ZBTB46: variants seen among roughly 807,000 people sequenced by gnomAD.
ZBTB46 encodes the protein zinc finger and BTB domain containing 46, also known as zinc finger and BTB domain-containing protein 46.
Under a neutral mutation model 44.1 loss-of-function variants are expected in ZBTB46, and 8 were observed. That is an observed-to-expected ratio of 0.18 (90% CI 0.11 to 0.33). The LOEUF is 0.33. Among genes scored for constraint, ZBTB46 ranks in the 10% least tolerant of loss-of-function variants. ZBTB46 has a pLI of 1.00. For missense variants in ZBTB46, 651 were observed against 847.7 expected (o/e 0.77, Z 2.88); for synonymous variants, 409 against 382.3 (o/e 1.07, Z -0.81).
At chr20:63,823,276 C>G (rs933938453) in intron 1 of ZBTB46, among the ~76,000 whole-genome samples, 1 of 152,076 alleles carries the variant, frequency 6.6e-6, no homozygotes, top group African/African-American at 2.4e-5. Flanking sequence ...TGGGGGTGCA[C>G]TCGCGCTCAG....
At chr20:63,833,838 C>T (rs571576959), upstream of ZBTB46, among the ~76,000 whole-genome samples, 2 of 152,320 alleles carry the variant, frequency 1.3e-5, no homozygotes, top group South Asian at 4.1e-4. Flanking sequence ...CTGATTAAGT[C>T]CTACAGACCG....
chr20:63,822,457 A>T lies in ZBTB46; in HGVS notation c.-34+8640T>A, dbSNP rs577477381. Among the ~76,000 whole-genome samples the T allele has an allele frequency of 7.2e-5, 11 of 152,324 alleles. No homozygotes were observed. In the East Asian group the frequency reaches 2.1e-3, roughly 29 times the overall value. On this transcript the variant is annotated intron_variant, in intron 1 of 4. Transcript: ENST00000245663. ...TGGGACTGATGGGCTCTAGGCCCCG[A>T]CAAAGGAGCACAGGAGGCCTATTCC...
At chr20:63,780,837 A>G (rs1225440883) in intron 2 of ZBTB46, among the ~76,000 whole-genome samples, 1 of 151,236 alleles carries the variant, frequency 6.6e-6, no homozygotes, top group Non-Finnish European at 1.5e-5. Flanking sequence ...ACACTGTTAA[A>G]TGAAAAAAGG....
At chr20:63,832,133 C>T (rs541854842), upstream of ZBTB46, among the ~76,000 whole-genome samples, 118 of 152,130 alleles carry the variant, frequency 7.8e-4, no homozygotes, top group Non-Finnish European at 9.4e-4. This position sits in a 1 kb window ranked among gnomAD's most constrained non-coding sequence, Gnocchi z 5.0. Flanking sequence ...CGGCCCGGGC[C>T]TCGCCCCAGC....
chr20:63,805,141 G>A (rs1479946195), intron 1 of ZBTB46, among the ~76,000 whole-genome samples: 1 of 151,842 alleles, frequency 6.6e-6, no homozygotes, highest in Non-Finnish European at 1.5e-5. Flanking sequence ...GGATGGTCTC[G>A]ATCTCTTGAC....
intron 3 of ZBTB46, among the ~76,000 whole-genome samples, chr20:63,757,811 G>A (rs1337506742): frequency 2.0e-5 from 3 of 151,270 alleles, no homozygotes; most frequent in Non-Finnish European, 2.9e-5. Flanking sequence ...CCCATCCAGA[G>A]CTCACACTCC....
At chr20:63,788,736 G>C (rs1462361272) in intron 2 of ZBTB46, among the ~76,000 whole-genome samples, 1 of 151,960 alleles carries the variant, frequency 6.6e-6, no homozygotes, top group Non-Finnish European at 1.5e-5. Context: ...GCTAATCGGA[G>C]GCTGTGGCAG....
chr20:63,804,033 G>C (rs1235211183), intron 1 of ZBTB46, among the ~76,000 whole-genome samples: 2 of 152,150 alleles, frequency 1.3e-5, no homozygotes, highest in Non-Finnish European at 2.9e-5. Flanking sequence ...TCCCCAGCCA[G>C]AGCCCAGCAC....
intron 1 of ZBTB46, among the ~76,000 whole-genome samples, chr20:63,806,619 C>T (rs2092683242): frequency 6.6e-6 from 1 of 151,928 alleles, no homozygotes; most frequent in Admixed American, 6.6e-5. Flanking sequence ...GAATCTTTCT[C>T]TTTTTTTGAG....
chr20:63,797,129 G>T (rs1219511549), intron 1 of ZBTB46, among the ~76,000 whole-genome samples: 1 of 151,860 alleles, frequency 6.6e-6, no homozygotes, highest in African/African-American at 2.4e-5. Flanking sequence ...TTTACATTAG[G>T]TATATCTCCT....
At chr20:63,778,275 G>A (rs1041689235) in intron 2 of ZBTB46, among the ~76,000 whole-genome samples, 1 of 152,244 alleles carries the variant, frequency 6.6e-6, no homozygotes, top group African/African-American at 2.4e-5. Context: ...ATTCCTCCGA[G>A]TGTCAGCTCA....
At chr20:63,751,233 C>A (rs963012104) in intron 4 of ZBTB46, among the ~76,000 whole-genome samples, 2 of 151,914 alleles carry the variant, frequency 1.3e-5, no homozygotes, top group African/African-American at 4.8e-5. Flanking sequence ...GGGGCCCCGG[C>A]GGCTCCGCGT....
At chr20:63,772,302 G>A (rs938582430) in intron 3 of ZBTB46, among the ~76,000 whole-genome samples, 1 of 152,048 alleles carries the variant, frequency 6.6e-6, no homozygotes, top group African/African-American at 2.4e-5. Context: ...GGCCCAAAAG[G>A]GCAAATTCTT....
At chr20:63,806,462 A>G (rs1048269574) in intron 1 of ZBTB46, among the ~76,000 whole-genome samples, 1 of 152,016 alleles carries the variant, frequency 6.6e-6, no homozygotes, top group Non-Finnish European at 1.5e-5. Context: ...AAGGCAAGAA[A>G]ACTATTTGTG....
At chr20:63,786,792 G>T (rs568594475) in intron 2 of ZBTB46, among the ~76,000 whole-genome samples, 38 of 152,140 alleles carry the variant, frequency 2.5e-4, no homozygotes, top group African/African-American at 8.9e-4. Flanking sequence ...TTACAGGCGT[G>T]AGCCACCCCG....
intron 1 of ZBTB46, among the ~76,000 whole-genome samples, chr20:63,807,808 G>T (rs550888956): frequency 6.6e-6 from 1 of 152,272 alleles, no homozygotes; most frequent in African/African-American, 2.4e-5. Context: ...GGCGCCTCAG[G>T]GCTCGCTCCC....
intron 1 of ZBTB46, among the ~76,000 whole-genome samples, chr20:63,791,813 C>A (rs2145934993): frequency 6.6e-6 from 1 of 152,336 alleles, no homozygotes; most frequent in African/African-American, 2.4e-5. Flanking sequence ...ATTGGGTACA[C>A]CCCGTCCCGG....
At chr20:63,830,523 C>G (rs2092843772) in intron 1 of ZBTB46, among the ~76,000 whole-genome samples, 1 of 150,436 alleles carries the variant, frequency 6.6e-6, no homozygotes, top group Non-Finnish European at 1.5e-5. Flanking sequence ...AATGACCCCC[C>G]GGCCTCAGGG....
Position 63,772,744 on chromosome 20 carries a change from CACACACACACACACACACACA to C in ZBTB46, c.1222+2913_1222+2933del, listed in dbSNP as rs1568850289. 1.0e-3 allele frequency among the ~76,000 whole-genome samples: 153 copies of C among 150,664 alleles called. 1 individual carries two copies. The highest frequency in any genetic ancestry group is 3.3e-3 in the African/African-American group (135 of 40,896). ...AAAAACACACACACACACACACACA[CACACACACACACACACACACA>C]CAGAAGTGCGGGGTGTGCCCTCACC... On this transcript the variant is annotated intron_variant, in intron 3 of 4. Transcript: ENST00000245663.
Sources: gnomAD v4.1 joint callset for allele counts (sites outside exome capture counted in the v4.1 genomes callset) on GRCh38, gnomAD v4.1.1 for gene constraint, Gnocchi (gnomAD v3.1) non-coding constraint, MANE v1.5 for transcripts, NCBI Gene and HGNC (gene_info 2026-07-23, HGNC 2026-07-21) for gene names.